The following PDZK1 variants were observed in gnomAD, a reference collection of about 807,000 sequenced individuals.
PDZK1 encodes the protein Na(+)/H(+) exchange regulatory cofactor NHE-RF3.
PDZK1 carries 23 observed loss-of-function variants against 38.1 expected under a neutral mutation model. The ratio of observed to expected loss-of-function variants is 0.60; its 90% CI spans 0.43 to 0.85. The LOEUF (loss-of-function observed/expected upper bound fraction) is 0.85, where lower values mean the gene tolerates loss of function less well. Ranked by LOEUF, PDZK1 falls within the 40% of genes least tolerant of loss-of-function variation. The pLI is 0.00. For synonymous variants in PDZK1, 98 were observed against 186.2 expected (o/e 0.53, Z 3.86); for missense variants, 297 against 504.3 (o/e 0.59, Z 3.94).
intron 1 of PDZK1, among the ~76,000 whole-genome samples, chr1:145,703,261 G>C (rs958418696): frequency 1.1e-4 from 16 of 152,172 alleles, no homozygotes; most frequent in Admixed American, 6.5e-4. Flanking sequence ...GCTCAACCCA[G>C]AATAGCTACC....
intron 1 of PDZK1, among the ~76,000 whole-genome samples, chr1:145,702,335 G>A (rs1656003515): frequency 6.6e-6 from 1 of 152,066 alleles, no homozygotes; most frequent in Non-Finnish European, 1.5e-5. Flanking sequence ...GAGAGGGATA[G>A]AGCCAATATT....
intron 1 of PDZK1, among the ~76,000 whole-genome samples, chr1:145,702,430 A>C (rs1309194888): frequency 6.6e-6 from 1 of 151,982 alleles, no homozygotes; most frequent in Non-Finnish European, 1.5e-5. Flanking sequence ...CAGCTGAGAC[A>C]AGTGCTTTCC....
intron 1 of PDZK1, among the ~76,000 whole-genome samples, chr1:145,702,616 G>A (rs1310524211): frequency 2.0e-5 from 3 of 152,068 alleles, no homozygotes; most frequent in Non-Finnish European, 2.9e-5. Flanking sequence ...AAGCTCGGCC[G>A]GGTGCAGTGG....
At chr1:145,691,374 G>A (rs1553703129) in intron 1 of PDZK1, among the ~76,000 whole-genome samples, 2 of 152,096 alleles carry the variant, frequency 1.3e-5, no homozygotes, top group Non-Finnish European at 2.9e-5. Flanking sequence ...TTCAGAGCTG[G>A]GGTATGTCTC....
intron 6 of PDZK1, among the ~76,000 whole-genome samples, chr1:145,677,219 T>G (rs1219091122): frequency 1.3e-5 from 2 of 152,166 alleles, no homozygotes; most frequent in African/African-American, 4.8e-5. Context: ...TCAAATCAGG[T>G]CTCACCATGT....
intron 1 of PDZK1, among the ~76,000 whole-genome samples, chr1:145,695,112 T>C (rs1379730194): frequency 6.6e-6 from 1 of 151,258 alleles, no homozygotes; most frequent in Non-Finnish European, 1.5e-5. Context: ...GTGGACACCA[T>C]GTTATGAAAG....
At chr1:145,706,984 G>T (rs1005185688) in intron 1 of PDZK1, among the ~76,000 whole-genome samples, 3 of 152,048 alleles carry the variant, frequency 2.0e-5, no homozygotes, top group East Asian at 1.9e-4. Flanking sequence ...CTGGTTACCT[G>T]TGAAGTCAGT....
intron 3 of PDZK1, among the ~76,000 whole-genome samples, 154 bp downstream of exon 3, chr1:145,686,323 T>G (rs1240227289): frequency 1.7e-4 from 25 of 151,314 alleles, no homozygotes; most frequent in Admixed American, 7.9e-4. Flanking sequence ...AGGGAGGGAG[T>G]GAGAGACGGA....
chr1:145,697,717 C>T (rs587743510), intron 1 of PDZK1, among the ~76,000 whole-genome samples: 1 of 151,040 alleles, frequency 6.6e-6, no homozygotes, highest in African/African-American at 2.4e-5. Flanking sequence ...CCTGCTCAGC[C>T]TCCTGAGTAG....
intron 1 of PDZK1, among the ~76,000 whole-genome samples, chr1:145,705,904 C>T (rs1375112601): frequency 6.6e-6 from 1 of 152,118 alleles, no homozygotes; most frequent in Non-Finnish European, 1.5e-5. Context: ...ACACATGCCA[C>T]CATGCAGGAT....
chr1:145,696,753 T>C (rs1571633861), intron 1 of PDZK1, among the ~76,000 whole-genome samples: 1 of 152,208 alleles, frequency 6.6e-6, no homozygotes, highest in Non-Finnish European at 1.5e-5. Flanking sequence ...AAAGGGAATG[T>C]GTCAAAGGAA....
At chr1:145,697,763 A>AT (rs10564713) in intron 1 of PDZK1, among the ~76,000 whole-genome samples, 2,215 of 44,972 alleles carry the variant, frequency 0.049, 411 homozygotes, top group Non-Finnish European at 0.054. Context: ...TGCCCAGCTA[A>AT]TTTTTTTTTT....
rs1171626220 is a variant in PDZK1, at chr1:145,673,009, G to A, written c.1227C>T (p.Gly409=). ...CTAGCCCAGCCAAGTCAGCAGGACC[G>A]CCCTTCTGTACCTGTGAACAGAAGT... The part of the protein sequence containing the change: ...PGSFIKEVQK[G]GPADLAGLED... Residue 409 remains glycine, a synonymous_variant, in exon 8 of 9, where the codon GGC becomes GGT. Transcript: ENST00000417171. 14 of 1,455,938 alleles carry A rather than the reference G, an allele frequency of 9.6e-6. No individual in the cohort carries two copies. Among genetic ancestry groups the A allele is most frequent in the East Asian group, 6.8e-5 (3 of 44,076 alleles). The allele number at this position is 1,455,938 out of a possible 1,614,324, so 90.2% of individuals were successfully genotyped here. A position where few individuals can be genotyped will look rare whatever the true frequency, so the allele number is the denominator to read the frequency against.
At chr1:145,677,613 G>A (rs2624766) in intron 6 of PDZK1, among the ~76,000 whole-genome samples, 32 of 151,276 alleles carry the variant, frequency 2.1e-4, no homozygotes, top group Admixed American at 3.9e-4. Flanking sequence ...AATGAATTAC[G>A]GGTCCAAGAA....
chr1:145,703,390 A>G (rs1656076833), intron 1 of PDZK1, among the ~76,000 whole-genome samples: 1 of 152,036 alleles, frequency 6.6e-6, no homozygotes, highest in Non-Finnish European at 1.5e-5. Context: ...ATATATATTT[A>G]TTGAGCTCCC....
chr1:145,692,718 AAAAG>A lies in PDZK1; in HGVS notation c.-2-4699_-2-4696del, dbSNP rs1261777932. 4.0e-5 allele frequency among the ~76,000 whole-genome samples: 6 copies of A among 151,138 alleles called. No homozygotes were observed. The East Asian group carries it at 5.9e-4, about 15-fold the overall frequency. On this transcript the variant is annotated intron_variant, in intron 1 of 8. Coordinates refer to ENST00000417171, the MANE Select transcript of PDZK1 (RefSeq NM_001201325.2). ...GTGAGATTCCGTCTCAAAAAAAAAA[AAAAG>A]AAGAAGAAGAAAGAAAGAAAAAGAA...
At chr1:145,676,813 G>A (rs1364102723) in intron 6 of PDZK1, among the ~76,000 whole-genome samples, 4 of 151,648 alleles carry the variant, frequency 2.6e-5, no homozygotes, top group Non-Finnish European at 4.4e-5. Context: ...CCTTACTCAA[G>A]CTAAATACTC....
chr1:145,684,401 G>A (rs1304538706), intron 3 of PDZK1, among the ~76,000 whole-genome samples: 3 of 151,478 alleles, frequency 2.0e-5, no homozygotes, highest in African/African-American at 4.9e-5. Flanking sequence ...GTAGAGACAG[G>A]GTTTCACCGT....
chr1:145,676,396 T>C (rs1653671874), intron 6 of PDZK1, among the ~76,000 whole-genome samples: 1 of 151,868 alleles, frequency 6.6e-6, no homozygotes, highest in South Asian at 2.1e-4. Flanking sequence ...AAAAGCTAGC[T>C]CCCTATGGCT....
Sources: allele counts gnomAD v4.1 joint callset (sites outside exome capture counted in the v4.1 genomes callset), GRCh38; gene constraint gnomAD v4.1.1; transcripts MANE v1.5; gene names NCBI Gene and HGNC (gene_info 2026-07-23, HGNC 2026-07-21).